Variants in CDK14 observed in about 807,000 individuals in gnomAD.
CDK14 encodes cyclin-dependent kinase 14.
CDK14 carries 34 observed loss-of-function variants against 60.7 expected under a neutral mutation model. That is an observed-to-expected ratio of 0.56 (90% CI 0.43 to 0.75). The LOEUF (loss-of-function observed/expected upper bound fraction) is 0.75. CDK14 is among the 30% of genes least tolerant of loss of function. The pLI is 0.00. For missense variants in CDK14, 482 were observed against 564.1 expected (o/e 0.85, Z 1.47); for synonymous variants, 197 against 203.7 (o/e 0.97, Z 0.28).
intron 5 of CDK14, among the ~76,000 whole-genome samples, chr7:90,858,928 A>G (rs911757302): frequency 6.6e-6 from 1 of 152,240 alleles, no homozygotes; most frequent in African/African-American, 2.4e-5. Context: ...GTAAATGTAT[A>G]GTGATTGTTT....
chr7:90,692,195 T>G (rs900767544), intron 2 of CDK14, among the ~76,000 whole-genome samples: 1 of 152,234 alleles, frequency 6.6e-6, no homozygotes, highest in Non-Finnish European at 1.5e-5. Context: ...TTTCTTCTTA[T>G]ATCGTTGGTC....
At chr7:90,670,908 A>C (rs1354477969) in intron 2 of CDK14, among the ~76,000 whole-genome samples, 1 of 152,136 alleles carries the variant, frequency 6.6e-6, no homozygotes, top group East Asian at 1.9e-4. Context: ...ATCCCTTCTT[A>C]ATAGTCCCCC....
chr7:90,606,137 T>C (rs369821777), intron 2 of CDK14, among the ~76,000 whole-genome samples: 1 of 152,162 alleles, frequency 6.6e-6, no homozygotes, highest in South Asian at 2.1e-4. Flanking sequence ...TTGGAAATAA[T>C]AATTTTCCCA....
chr7:91,043,125 G>C (rs1464796008), intron 10 of CDK14, among the ~76,000 whole-genome samples: 4 of 152,168 alleles, frequency 2.6e-5, no homozygotes, highest in Non-Finnish European at 5.9e-5. Context: ...TTTCTTTCCT[G>C]GTAATTTTTA....
chr7:91,038,480 A>G (rs1222085732), intron 10 of CDK14, among the ~76,000 whole-genome samples: 1 of 152,172 alleles, frequency 6.6e-6, no homozygotes, highest in African/African-American at 2.4e-5. Context: ...AACTGTGACA[A>G]TTTTTACTAA....
At chr7:90,763,169 A>G (rs1023720747) in intron 4 of CDK14, among the ~76,000 whole-genome samples, 10 of 152,222 alleles carry the variant, frequency 6.6e-5, no homozygotes, top group Non-Finnish European at 8.8e-5. Flanking sequence ...GCAAAAATTG[A>G]TAGAACTGAA....
At chr7:90,913,080 C>G (rs571630251) in intron 7 of CDK14, among the ~76,000 whole-genome samples, 165 of 152,318 alleles carry the variant, frequency 1.1e-3, no homozygotes, top group African/African-American at 3.6e-3. Flanking sequence ...GGACCCCTCC[C>G]TGGTGGCCCT....
intron 2 of CDK14, among the ~76,000 whole-genome samples, chr7:90,680,541 A>G (rs979062255): frequency 3.3e-5 from 5 of 152,202 alleles, no homozygotes; most frequent in Non-Finnish European, 1.5e-5. Context: ...ATGAGTTTCT[A>G]TTTGTCTTGC....
intron 12 of CDK14, among the ~76,000 whole-genome samples, chr7:91,109,397 A>G (rs1390620358): frequency 6.6e-6 from 1 of 152,154 alleles, no homozygotes; most frequent in East Asian, 1.9e-4. Flanking sequence ...TTAAACACCT[A>G]AATTGATGAT....
chr7:90,711,734 A>T lies in CDK14; in HGVS notation c.124-14833A>T, dbSNP rs534343387. Among the ~76,000 whole-genome samples the T allele has an allele frequency of 2.6e-5, 4 of 152,180 alleles. No homozygotes were observed. In the East Asian group the frequency reaches 7.8e-4, roughly 29 times the overall value. ...ATTTTCCCCTGGAATACGCCCCATT[A>T]TACTTTCTCATGGATAGTCAGTTTG... On this transcript the variant is annotated intron_variant, in intron 2 of 14. Coordinates refer to ENST00000380050, the MANE Select transcript of CDK14 (RefSeq NM_001287135.2).
intron 11 of CDK14, among the ~76,000 whole-genome samples, chr7:91,068,636 C>T (rs1798047227): frequency 6.6e-6 from 1 of 151,996 alleles, no homozygotes; most frequent in Non-Finnish European, 1.5e-5. Context: ...TGTTCATCCT[C>T]CAAAGCATTT....
intron 2 of CDK14, among the ~76,000 whole-genome samples, chr7:90,636,919 C>T (rs1431455296): frequency 6.6e-5 from 10 of 150,568 alleles, no homozygotes; most frequent in African/African-American, 2.2e-4. Flanking sequence ...AGTTTATTTG[C>T]ATAGAGGTGT....
chr7:90,932,754 G>A (rs916313691), intron 8 of CDK14, among the ~76,000 whole-genome samples: 1 of 152,184 alleles, frequency 6.6e-6, no homozygotes, highest in African/African-American at 2.4e-5. Context: ...GCCTCCAGGT[G>A]TCCCTTCAGT....
intron 2 of CDK14, among the ~76,000 whole-genome samples, chr7:90,687,047 A>T (rs545356874): frequency 5.0e-4 from 75 of 150,724 alleles, no homozygotes; most frequent in Non-Finnish European, 7.3e-4. Flanking sequence ...TTGTGATTGA[A>T]TTTTTTTTTT....
At chr7:90,867,976 A>T (rs1035401379) in intron 6 of CDK14, among the ~76,000 whole-genome samples, 6 of 151,878 alleles carry the variant, frequency 4.0e-5, no homozygotes, top group Non-Finnish European at 8.8e-5. Flanking sequence ...AAATTAAAAA[A>T]AAAAAATTAC....
At chr7:90,846,017 A>AT (rs1790460363) in intron 5 of CDK14, among the ~76,000 whole-genome samples, 1 of 152,138 alleles carries the variant, frequency 6.6e-6, no homozygotes, top group African/African-American at 2.4e-5. Context: ...ATATAAAATA[A>AT]TAATTAAACT....
Position 91,045,937 on chromosome 7 carries a change from A to C in CDK14, c.1082A>C (p.His361Pro). ...AATGAGGACACATGGCCTGGAGTTC[A>C]TTCTTTACCACATTTTAAGCCAGGT... ...TPNEDTWPGVHSLPHFKPERF... is the reference protein window; with the variant it reads ...TPNEDTWPGVPSLPHFKPERF... Residue 361 changes from histidine (H) to proline (P), a missense_variant, in exon 11 of 15, where the codon CAT becomes CCT. His to Pro is a moderately conservative substitution (Grantham distance 77, BLOSUM62 -2). Transcript: ENST00000380050. 1 of 1,610,752 alleles carries C rather than the reference A, an allele frequency of 6.2e-7. No homozygotes were observed. The highest frequency in any genetic ancestry group is 8.5e-7 in the Non-Finnish European group (1 of 1,177,038).
At chr7:90,812,589 C>T (rs1463253196) in intron 5 of CDK14, among the ~76,000 whole-genome samples, 1 of 151,990 alleles carries the variant, frequency 6.6e-6, no homozygotes, top group African/African-American at 2.4e-5. Flanking sequence ...GCACATTGTG[C>T]ACATGTACCC....
chr7:90,640,374 G>A (rs925486174), intron 2 of CDK14, among the ~76,000 whole-genome samples: 1 of 151,944 alleles, frequency 6.6e-6, no homozygotes, highest in African/African-American at 2.4e-5. Flanking sequence ...AGAGTTTTGT[G>A]GTCACAGGAA....
Sources: allele counts gnomAD v4.1 joint callset (sites outside exome capture counted in the v4.1 genomes callset), GRCh38; gene constraint gnomAD v4.1.1; transcripts MANE v1.5; gene names NCBI Gene and HGNC (gene_info 2026-07-23, HGNC 2026-07-21).